The following KIAA1217 variants were observed in gnomAD, a reference collection of about 807,000 sequenced individuals.
The protein encoded by KIAA1217 is KIAA1217, also known as sickle tail protein homolog.
Under a neutral mutation model 163.9 loss-of-function variants are expected in KIAA1217, and 88 were observed. The observed-to-expected ratio is 0.54, with a 90% CI of 0.45 to 0.64. The LOEUF (loss-of-function observed/expected upper bound fraction) is 0.64. Among genes scored for constraint, KIAA1217 ranks in the 30% least tolerant of loss-of-function variants. The pLI is 0.00. For missense variants in KIAA1217, 2,372 were observed against 2,475.0 expected (o/e 0.96, Z 0.88); for synonymous variants, 903 against 923.1 (o/e 0.98, Z 0.39).
At chr10:24,162,508 C>T (rs1488461911) in intron 2 of KIAA1217, among the ~76,000 whole-genome samples, 1 of 152,214 alleles carries the variant, frequency 6.6e-6, no homozygotes, top group Admixed American at 6.5e-5. Flanking sequence ...GTCTGTCTCT[C>T]CTCTGTGCAA....
intron 16 of KIAA1217, among the ~76,000 whole-genome samples, chr10:24,534,812 T>C (rs758801278): frequency 7.4e-6 from 1 of 134,872 alleles, no homozygotes; most frequent in Non-Finnish European, 1.5e-5. Flanking sequence ...ACCCGGGAGG[T>C]GGAAGTTGCA....
Position 24,415,307 on chromosome 10 carries a change from A to T in KIAA1217, c.554-17688A>T, listed in dbSNP as rs2058149704. Among the ~76,000 whole-genome samples, 5 of 151,290 alleles carry T rather than the reference A, an allele frequency of 3.3e-5. 1 individual carries two copies. In the South Asian group the frequency reaches 1.0e-3, roughly 32 times the overall value. On this transcript the variant is annotated intron_variant, in intron 3 of 20. Coordinates refer to ENST00000376454, the MANE Select transcript of KIAA1217 (RefSeq NM_019590.5). ...TTTTTGTAGTTTTAGTAGAGACAGG[A>T]TTTCACCTTGTTGGCCAGGCTGGTC...
chr10:23,961,159 A>G (rs986912954), intron 1 of KIAA1217, among the ~76,000 whole-genome samples: 3 of 152,194 alleles, frequency 2.0e-5, no homozygotes, highest in African/African-American at 7.2e-5. Context: ...TACCATGTTA[A>G]TGCATTCCCA....
At chr10:23,877,884 A>G (rs1473478962) in intron 1 of KIAA1217, among the ~76,000 whole-genome samples, 2 of 152,012 alleles carry the variant, frequency 1.3e-5, no homozygotes, top group Non-Finnish European at 2.9e-5. Context: ...GGACACAGCG[A>G]AAATGTTAAT....
intron 2 of KIAA1217, among the ~76,000 whole-genome samples, chr10:24,103,332 G>A (rs978884662): frequency 1.3e-5 from 2 of 152,068 alleles, no homozygotes; most frequent in African/African-American, 4.8e-5. Context: ...AAACCTAGAT[G>A]ACCTTAGATG....
At chr10:23,828,454 A>G (rs1474822721) in intron 1 of KIAA1217, among the ~76,000 whole-genome samples, 1 of 152,176 alleles carries the variant, frequency 6.6e-6, no homozygotes, top group African/African-American at 2.4e-5. Context: ...ATCCTATTAC[A>G]TTGATAGTTT....
At chr10:24,486,842 G>A (rs1046852137) in intron 6 of KIAA1217, among the ~76,000 whole-genome samples, 11 of 151,504 alleles carry the variant, frequency 7.3e-5, no homozygotes, top group African/African-American at 1.9e-4. Context: ...CATCTATTTC[G>A]CTAATGGTCA....
chr10:23,907,294 G>A (rs992173057), intron 1 of KIAA1217, among the ~76,000 whole-genome samples: 4 of 146,920 alleles, frequency 2.7e-5, no homozygotes, highest in Non-Finnish European at 6.0e-5. Context: ...AATATGATTT[G>A]TGTGTGTGTG....
intron 2 of KIAA1217, among the ~76,000 whole-genome samples, chr10:24,053,847 C>A (rs1849689710): frequency 1.3e-5 from 2 of 152,016 alleles, no homozygotes; most frequent in Non-Finnish European, 2.9e-5. Context: ...AGGCCATTTC[C>A]CCCAGGTAAT....
At chr10:23,857,483 C>A (rs1839746795) in intron 1 of KIAA1217, among the ~76,000 whole-genome samples, 1 of 152,198 alleles carries the variant, frequency 6.6e-6, no homozygotes, top group Non-Finnish European at 1.5e-5. Context: ...GTAATTAAAA[C>A]ACCTTTGTAA....
chr10:23,932,539 G>C (rs929789426), intron 1 of KIAA1217, among the ~76,000 whole-genome samples: 2 of 152,294 alleles, frequency 1.3e-5, no homozygotes, highest in Non-Finnish European at 2.9e-5. Context: ...GTGTGTGGGA[G>C]TGTTGAATAA....
At chr10:24,063,982 C>G (rs935570025) in intron 2 of KIAA1217, among the ~76,000 whole-genome samples, 2 of 152,120 alleles carry the variant, frequency 1.3e-5, no homozygotes, top group Admixed American at 6.6e-5. Flanking sequence ...GATTTTTGCA[C>G]ATTGATTTTG....
Position 23,836,142 on chromosome 10 carries a change from G to C in KIAA1217, c.-321+140908G>C, listed in dbSNP as rs1269794870. Reference sequence around the variant, plus strand: ...TCCCTAGATTCTGGAATTTCTATTAGATAAGTGATATAACCTATCAGTCTG... The same window carrying C: ...TCCCTAGATTCTGGAATTTCTATTACATAAGTGATATAACCTATCAGTCTG... On this transcript the variant is annotated intron_variant, in intron 1 of 18. Coordinates refer to the KIAA1217 transcript ENST00000376462. 2.0e-5 allele frequency among the ~76,000 whole-genome samples: 3 copies of C among 152,270 alleles called. No individual in the cohort carries two copies. In the South Asian group the frequency reaches 6.2e-4, roughly 32 times the overall value.
chr10:24,514,160 G>GT (rs1564835649), intron 10 of KIAA1217, among the ~76,000 whole-genome samples: 1 of 152,134 alleles, frequency 6.6e-6, no homozygotes, highest in African/African-American at 2.4e-5. Flanking sequence ...TATGGTAATT[G>GT]TATGTTTTGG....
chr10:24,033,721 A>G (rs998539441), intron 2 of KIAA1217, among the ~76,000 whole-genome samples: 2 of 151,646 alleles, frequency 1.3e-5, no homozygotes, highest in Non-Finnish European at 2.9e-5. Flanking sequence ...CTATGCATAC[A>G]TGGTTTTAAC....
intron 1 of KIAA1217, among the ~76,000 whole-genome samples, chr10:23,871,978 G>A: frequency 6.6e-6 from 1 of 152,022 alleles, no homozygotes; most frequent in Non-Finnish European, 1.5e-5. Context: ...CTTTCTTCCA[G>A]CAGAGGCCCA....
chr10:24,125,324 G>C (rs1202767859), intron 2 of KIAA1217, among the ~76,000 whole-genome samples: 20 of 53,558 alleles, frequency 3.7e-4, no homozygotes, highest in African/African-American at 1.2e-3. Flanking sequence ...CCTATGCTCT[G>C]TGTGTGTGTG....
chr10:24,464,402 A>G (rs1425458109), intron 5 of KIAA1217, among the ~76,000 whole-genome samples: 2 of 152,088 alleles, frequency 1.3e-5, no homozygotes, highest in African/African-American at 2.4e-5. Context: ...TCTCGCATTG[A>G]ACCGACCGAC....
intron 2 of KIAA1217, among the ~76,000 whole-genome samples, chr10:24,290,399 C>A (rs2078973244): frequency 6.6e-6 from 1 of 150,912 alleles, no homozygotes; most frequent in South Asian, 2.1e-4. Context: ...TTGGAAAAGG[C>A]CACAAGTGCC....
Sources: gnomAD v4.1 joint callset for allele counts (sites outside exome capture counted in the v4.1 genomes callset) on GRCh38, gnomAD v4.1.1 for gene constraint, MANE v1.5 for transcripts, NCBI Gene and HGNC (gene_info 2026-07-23, HGNC 2026-07-21) for gene names.